Variants in DDX23 observed in about 807,000 individuals in gnomAD.
DDX23 encodes DEAD-box helicase 23.
A neutral mutation model predicts 102.7 loss-of-function variants in DDX23; 33 were observed. That is an observed-to-expected ratio of 0.32 (90% CI 0.24 to 0.43). The LOEUF is 0.43. Among genes scored for constraint, DDX23 ranks in the 20% least tolerant of loss-of-function variants. DDX23 has a pLI of 1.00. For missense variants in DDX23, 549 were observed against 1,086.6 expected, an observed-to-expected ratio of 0.51 and a Z score of 6.96; for synonymous variants, 352 against 376.0, an observed-to-expected ratio of 0.94 and a Z score of 0.74.
chr12:48,840,046 A>G lies in DDX23; in HGVS notation c.381T>C (p.Asp127=). The change falls in exon 4 of 17, where the codon GAT becomes GAC. Residue 127 remains aspartate (D), a synonymous_variant. Transcript: ENST00000308025. ...KSRKDRDSKK[D]EEDEHGDKKP... ...TCTTATCACCATGTTCATCCTCTTCATCCTTCTTAGAGTCTCTGTCCTTCC... is the reference window on the plus strand; with the variant it reads ...TCTTATCACCATGTTCATCCTCTTCGTCCTTCTTAGAGTCTCTGTCCTTCC... The G allele has an allele frequency of 6.2e-7, 1 of 1,614,150 alleles. No individual in the cohort carries two copies. The highest frequency in any genetic ancestry group is 8.5e-7 in the Non-Finnish European group (1 of 1,180,010).
intron 1 of DDX23, among the ~76,000 whole-genome samples, chr12:48,850,197 G>A (rs529847811): frequency 4.6e-5 from 7 of 152,168 alleles, no homozygotes; most frequent in Admixed American, 2.0e-4. Flanking sequence ...GGAACGTGGC[G>A]ATGGAGATGG....
rs1247847133 is a variant in DDX23, at chr12:48,831,463, A to G, written c.2065-147T>C. The G allele has an allele frequency of 7.6e-6, 6 of 785,666 alleles. No homozygotes were observed. In the African/African-American group the frequency reaches 1.0e-4, roughly 13 times the overall value. 48.7% of individuals were successfully genotyped at this position (785,666 alleles called of 1,614,324 possible). A position where few individuals can be genotyped will look rare whatever the true frequency, so the allele number is the denominator to read the frequency against. ...AGGAAACAAGAGAATGATTGCAGTGAAAGAAGGAGAGAACAAGTGAGCTGA... is the reference window on the plus strand; with the variant it reads ...AGGAAACAAGAGAATGATTGCAGTGGAAGAAGGAGAGAACAAGTGAGCTGA... On this transcript the variant is annotated intron_variant, in intron 15 of 16. Coordinates refer to ENST00000308025, the MANE Select transcript of DDX23 (RefSeq NM_004818.3).
At chr12:48,835,839 T>C (rs949395171) in intron 11 of DDX23, among the ~76,000 whole-genome samples, 2 of 151,948 alleles carry the variant, frequency 1.3e-5, no homozygotes, top group Non-Finnish European at 2.9e-5. Flanking sequence ...TGTAGTGAGC[T>C]GAGATCGTGC....
Position 48,848,626 on chromosome 12 carries a change from G to C in DDX23, c.1-2844C>G, listed in dbSNP as rs187610004. ...TTGAGACAGGGTCTCACCCTCTCAC[G>C]CAAGATGGAGGGCAGTGGCACAATC... is the stretch of plus-strand genomic sequence containing the variant. On this transcript the variant is annotated intron_variant, in intron 1 of 16. Coordinates refer to ENST00000308025, the MANE Select transcript of DDX23 (RefSeq NM_004818.3). Among the ~76,000 whole-genome samples the C allele has an allele frequency of 2.5e-3, 373 of 152,202 alleles. 7 individuals are homozygous for C. Among genetic ancestry groups the C allele is most frequent in the South Asian group, 0.021 (101 of 4,826 alleles).
chr12:48,833,583 T>C, intron 12 of DDX23, 64 bp from the exon 13 acceptor site: 2 of 1,567,822 alleles, frequency 1.3e-6, no homozygotes, highest in Non-Finnish European at 1.7e-6. Flanking sequence ...TCCTGTGAAC[T>C]ATCCACCCAC....
chr12:48,837,064 AAAG>A (rs771322013), intron 8 of DDX23, 27 bp from the exon 9 acceptor site: 9 of 1,613,150 alleles, frequency 5.6e-6, no homozygotes, highest in Admixed American at 1.7e-5. Flanking sequence ...GGAAAAGAAA[AAAG>A]AAGGAGCTGT....
At chr12:48,837,860 T>C in intron 6 of DDX23, 82 bp downstream of exon 6, 1 of 1,588,252 alleles carries the variant, frequency 6.3e-7, no homozygotes, top group East Asian at 2.2e-5. Flanking sequence ...GTGAACAGGT[T>C]TCTATCTCTC....
chr12:48,835,875 A>T (rs1293614549), intron 11 of DDX23, among the ~76,000 whole-genome samples: 1 of 152,206 alleles, frequency 6.6e-6, no homozygotes, highest in Non-Finnish European at 1.5e-5. Context: ...TGGGTGACAG[A>T]GTGAGACTCT....
rs1938408329 is a variant in DDX23 at position 48,832,639 on chromosome 12, AG to A, written c.1804-67del. ...TAATCATATATCCCACTGTCACCGAAGGCAGGTCAGCCCAGACTAAAGAATC... is the reference window on the plus strand; with the variant it reads ...TAATCATATATCCCACTGTCACCGAAGCAGGTCAGCCCAGACTAAAGAATC... On this transcript the variant is annotated intron_variant, in intron 13 of 16. Transcript: ENST00000308025. This position sits in a 1 kb window ranked among gnomAD's most constrained non-coding sequence, Gnocchi z 4.4. The A allele has an allele frequency of 6.3e-7, 1 of 1,577,026 alleles. No individual in the cohort carries two copies. Among genetic ancestry groups the A allele is most frequent in the African/African-American group, 1.3e-5 (1 of 74,172 alleles).
rs1442163637 is a variant in DDX23 at position 48,836,551 on chromosome 12, C to G, written c.1236+18G>C. ...TAGGAACATGTCAGATCTCTTGGGC[C>G]AATCTATCCCTCCTTACCTTGTAGC... On this transcript the variant is annotated intron_variant, in intron 10 of 16. Coordinates refer to ENST00000308025, the MANE Select transcript of DDX23 (RefSeq NM_004818.3). This position sits in a 1 kb window ranked among gnomAD's most constrained non-coding sequence, Gnocchi z 6.1. 6.2e-7 allele frequency: 1 copy of G among 1,607,798 alleles called. No homozygotes were observed. The highest frequency in any genetic ancestry group is 8.5e-7 in the Non-Finnish European group (1 of 1,175,958).
At chr12:48,837,886 T>C in intron 6 of DDX23, 56 bp downstream of exon 6, 4 of 1,609,422 alleles carry the variant, frequency 2.5e-6, no homozygotes, top group Non-Finnish European at 3.4e-6. Context: ...AGACACTGTA[T>C]CTCATCCCAC....
In DDX23 at chr12:48,834,241, A is replaced by T. The variant is rs1161824855; in HGVS notation, c.1560+79T>A. 9 of 1,403,054 alleles carry T rather than the reference A, an allele frequency of 6.4e-6. No individual in the cohort carries two copies. The South Asian group carries it at 1.1e-4, about 17-fold the overall frequency. The allele number at this position is 1,403,054 out of a possible 1,614,324, so 86.9% of individuals were successfully genotyped here. ...AGCTCCTTTCTTCATACTACTGCACATATATTCCAGAAACTAGAAACAAAG... is the reference window on the plus strand; with the variant it reads ...AGCTCCTTTCTTCATACTACTGCACTTATATTCCAGAAACTAGAAACAAAG... On this transcript the variant is annotated intron_variant, in intron 12 of 16. Coordinates refer to ENST00000308025, the MANE Select transcript of DDX23 (RefSeq NM_004818.3).
intron 1 of DDX23, among the ~76,000 whole-genome samples, chr12:48,848,179 G>A (rs966065106): frequency 1.3e-5 from 2 of 151,744 alleles, no homozygotes; most frequent in African/African-American, 2.4e-5. Context: ...CCACCTACTC[G>A]GGAGGCTGAG....
rs746211595 is a variant in DDX23, at chr12:48,836,896, C to T, written c.1008G>A (p.Glu336=). Residue 336 remains glutamate, a splice_region_variant and synonymous_variant, in exon 9 of 17, where the codon GAG becomes GAA. Coordinates refer to ENST00000308025, the MANE Select transcript of DDX23 (RefSeq NM_004818.3). The surrounding 1 kb of genome is among the most constrained non-coding windows in gnomAD (Gnocchi z 6.1). Reference sequence around the variant, plus strand: ...CCACCCTAGCCTTGATCACTCACTCCTCCTGCTCCTTTTCTTCCAGGGTTC... The same window carrying T: ...CCACCCTAGCCTTGATCACTCACTCTTCCTGCTCCTTTTCTTCCAGGGTTC... ...KRRTLEEKEQ[E]EARLRKLRKK... is the part of the protein sequence containing the mutation. 5.0e-6 allele frequency: 8 copies of T among 1,613,882 alleles called. No individual in the cohort carries two copies. The Admixed American group carries it at 1.3e-4, about 27-fold the overall frequency.
rs1187536951 is a variant in DDX23, at chr12:48,837,258, A to C, written c.866+23T>G. The C allele has an allele frequency of 1.9e-6, 3 of 1,609,164 alleles. No individual in the cohort carries two copies. In the South Asian group the frequency reaches 3.3e-5, roughly 18 times the overall value. ...GGACTGCCTAGTGGAAAAGACCTAG[A>C]ACTCAGGCCTGAAGCCACTCACAGG... On this transcript the variant is annotated intron_variant, in intron 8 of 16. Transcript: ENST00000308025.
In DDX23 at chr12:48,836,328, T is replaced by C; in HGVS notation, c.1237-62A>G. On this transcript the variant is annotated intron_variant, in intron 10 of 16. Transcript: ENST00000308025. This position sits in a 1 kb window ranked among gnomAD's most constrained non-coding sequence, Gnocchi z 6.1. ...AGAGTTATACCACCTGGGCAACCAC[T>C]GATAGTAGTAAGCACATCTGCTAGC... 3 of 1,572,610 alleles carry C rather than the reference T, an allele frequency of 1.9e-6. No individual in the cohort carries two copies.
chr12:48,835,926 T>C (rs1434542572), intron 11 of DDX23, among the ~76,000 whole-genome samples, 195 bp downstream of exon 11: 1 of 152,170 alleles, frequency 6.6e-6, no homozygotes, highest in East Asian at 1.9e-4. Flanking sequence ...GACTCCAGGA[T>C]AGCAAAGTTC....
intron 1 of DDX23, among the ~76,000 whole-genome samples, chr12:48,848,760 T>C (rs557601068): frequency 6.6e-6 from 1 of 151,638 alleles, no homozygotes; most frequent in East Asian, 1.9e-4. Context: ...AATTTTTTTT[T>C]TTTTTTTTTG....
rs775915317 is a variant in DDX23 at position 48,845,713 on chromosome 12, G to A, written c.70C>T (p.Arg24Trp). The change falls in exon 2 of 17, where the codon CGG becomes TGG. Residue 24 changes from arginine to tryptophan, a missense_variant. Physicochemically the swap from Arg to Trp is moderately radical, Grantham distance 101. Coordinates refer to ENST00000308025, the MANE Select transcript of DDX23 (RefSeq NM_004818.3). Reference protein sequence around the residue: ...SPSKEERKRSRTPDRERDRDR... With the variant: ...SPSKEERKRSWTPDRERDRDR... ...CTATCCCGCTCTCTGTCAGGAGTCC[G>A]TGATCGCTTCCTTTCCTCCTTGGAA... 5.6e-6 allele frequency: 9 copies of A among 1,614,092 alleles called. No homozygotes were observed. The East Asian group carries it at 6.7e-5, about 12-fold the overall frequency.
Sources: gnomAD v4.1 joint callset for allele counts (sites outside exome capture counted in the v4.1 genomes callset) on GRCh38, gnomAD v4.1.1 for gene constraint, Gnocchi (gnomAD v3.1) non-coding constraint, MANE v1.5 for transcripts, NCBI Gene and HGNC (gene_info 2026-07-23, HGNC 2026-07-21) for gene names.